Variants in SBF2 observed in about 807,000 individuals in gnomAD.
SBF2 encodes myotubularin-related protein 13.
Under a neutral mutation model 225.2 loss-of-function variants are expected in SBF2, and 112 were observed. The observed-to-expected ratio is 0.50, with a 90% CI of 0.43 to 0.58. The LOEUF (loss-of-function observed/expected upper bound fraction) is 0.58. SBF2 is among the 20% of genes least tolerant of loss of function. The pLI is 0.00. For synonymous variants in SBF2, 763 were observed against 773.3 expected (o/e 0.99, Z 0.22); for missense variants, 1,996 against 2,206.2 (o/e 0.90, Z 1.91).
chr11:9,997,399 C>G (rs1398952627), intron 9 of SBF2, among the ~76,000 whole-genome samples: 1 of 152,072 alleles, frequency 6.6e-6, no homozygotes, highest in East Asian at 1.9e-4. Context: ...TGAGAAAAAC[C>G]CAAGCCACAA....
intron 2 of SBF2, among the ~76,000 whole-genome samples, chr11:10,104,203 G>GTT (rs1161990979): frequency 6.6e-6 from 1 of 152,110 alleles, no homozygotes; most frequent in Non-Finnish European, 1.5e-5. Flanking sequence ...ACTTTGTATG[G>GTT]TATCTCTTCT....
intron 12 of SBF2, among the ~76,000 whole-genome samples, chr11:9,992,046 T>C (rs1947462501): frequency 1.3e-5 from 2 of 152,170 alleles, no homozygotes; most frequent in African/African-American, 4.8e-5. Flanking sequence ...CAACCATTTT[T>C]TAAAATGTAA....
chr11:10,246,940 G>A (rs1416443972), intron 1 of SBF2, among the ~76,000 whole-genome samples: 1 of 152,166 alleles, frequency 6.6e-6, no homozygotes, highest in Non-Finnish European at 1.5e-5. Context: ...GCCCAGCATG[G>A]TGCTGGGCAT....
chr11:9,971,283 C>G (rs115583949), intron 13 of SBF2, among the ~76,000 whole-genome samples: 5,370 of 151,738 alleles, frequency 0.035, 140 homozygotes, highest in Middle Eastern at 0.11. Flanking sequence ...ATCTTAGTAA[C>G]ACCAGTATTT....
At chr11:10,046,665 C>A (rs1267865959) in intron 2 of SBF2, among the ~76,000 whole-genome samples, 1 of 151,388 alleles carries the variant, frequency 6.6e-6, no homozygotes, top group Non-Finnish European at 1.5e-5. Flanking sequence ...TGGCTAGTAC[C>A]ATACTTAATG....
intron 13 of SBF2, among the ~76,000 whole-genome samples, chr11:9,979,662 C>T (rs1288800042): frequency 6.6e-6 from 1 of 152,034 alleles, no homozygotes; most frequent in Non-Finnish European, 1.5e-5. Flanking sequence ...TTTATTTATA[C>T]TTTTGCTAAA....
At chr11:10,192,586 T>C (rs893038360) in intron 2 of SBF2, among the ~76,000 whole-genome samples, 2 of 152,228 alleles carry the variant, frequency 1.3e-5, no homozygotes, top group Non-Finnish European at 2.9e-5. Context: ...ATTGTTCTAA[T>C]CATTTTATGT....
chr11:9,920,206 A>ATG (rs1863502260), intron 16 of SBF2, among the ~76,000 whole-genome samples: 1 of 114,424 alleles, frequency 8.7e-6, no homozygotes, highest in African/African-American at 2.9e-5. Context: ...GTGTGTGTGT[A>ATG]TATATATATA....
intron 1 of SBF2, among the ~76,000 whole-genome samples, chr11:10,220,180 C>G (rs567090508): frequency 6.6e-6 from 1 of 152,300 alleles, no homozygotes; most frequent in South Asian, 2.1e-4. Flanking sequence ...GGAACATTTA[C>G]ATGGTGGCAG....
chr11:10,183,414 C>T (rs1956812761), intron 2 of SBF2, among the ~76,000 whole-genome samples: 1 of 152,136 alleles, frequency 6.6e-6, no homozygotes, highest in African/African-American at 2.4e-5. Context: ...TGGTTATATA[C>T]TATTTTTCAA....
intron 19 of SBF2, 62 bp downstream of exon 19, chr11:9,856,396 G>A: frequency 5.6e-6 from 9 of 1,603,094 alleles, no homozygotes; most frequent in South Asian, 1.1e-5. Flanking sequence ...AATATTATCT[G>A]TCAAGCCAAG....
intron 11 of SBF2, 79 bp from the exon 12 acceptor site, chr11:9,992,622 G>C: frequency 1.5e-6 from 2 of 1,368,686 alleles, no homozygotes. Flanking sequence ...ACAATAAAAA[G>C]ATCAAAGCCT....
intron 2 of SBF2, among the ~76,000 whole-genome samples, chr11:10,169,365 CCTT>C (rs1224063018): frequency 2.6e-5 from 4 of 152,074 alleles, no homozygotes; most frequent in Non-Finnish European, 4.4e-5. Flanking sequence ...TGGTAACCAT[CCTT>C]CTTCTCTCTC....
At chr11:9,831,978 T>C (rs1296968225) in intron 27 of SBF2, among the ~76,000 whole-genome samples, 1 of 152,230 alleles carries the variant, frequency 6.6e-6, no homozygotes, top group African/African-American at 2.4e-5. Flanking sequence ...AAAGACTTTA[T>C]TATATTAATT....
At chr11:9,844,709 T>A (rs1856414109) in intron 24 of SBF2, among the ~76,000 whole-genome samples, 1 of 152,090 alleles carries the variant, frequency 6.6e-6, no homozygotes, top group Admixed American at 6.6e-5. Context: ...ATTAATTAAA[T>A]TTTCTGGCTT....
intron 17 of SBF2, among the ~76,000 whole-genome samples, chr11:9,882,580 G>A (rs545801455): frequency 2.6e-5 from 4 of 152,032 alleles, no homozygotes; most frequent in East Asian, 3.9e-4. Flanking sequence ...AGGCCAAGGC[G>A]GGCGGATCAC....
intron 32 of SBF2, among the ~76,000 whole-genome samples, chr11:9,796,659 A>G (rs929247217): frequency 2.5e-4 from 38 of 152,214 alleles, no homozygotes; most frequent in Non-Finnish European, 2.1e-4. Context: ...GCAAGAATGA[A>G]TGAGGCTCGG....
intron 2 of SBF2, among the ~76,000 whole-genome samples, chr11:10,051,637 G>A (rs1421856489): frequency 6.6e-6 from 1 of 151,920 alleles, no homozygotes; most frequent in Non-Finnish European, 1.5e-5. Context: ...TAAATATATT[G>A]TGCATTTAAA....
intron 1 of SBF2, among the ~76,000 whole-genome samples, chr11:10,237,022 G>A (rs946070229): frequency 6.6e-6 from 1 of 152,164 alleles, no homozygotes; most frequent in Non-Finnish European, 1.5e-5. Flanking sequence ...TTGCCAATCT[G>A]AAATCCAGAT....
Sources: gnomAD v4.1 joint callset for allele counts (sites outside exome capture counted in the v4.1 genomes callset) on GRCh38, gnomAD v4.1.1 for gene constraint, MANE v1.5 for transcripts, NCBI Gene and HGNC (gene_info 2026-07-23, HGNC 2026-07-21) for gene names.